Variants in PRR16 observed in about 807,000 individuals in gnomAD.
PRR16 encodes protein Largen.
PRR16 carries 6 observed loss-of-function variants against 18.2 expected under a neutral mutation model. The observed-to-expected ratio is 0.33, with a 90% CI of 0.18 to 0.65. The LOEUF (loss-of-function observed/expected upper bound fraction) is 0.65. Ranked by LOEUF, PRR16 falls within the 30% of genes least tolerant of loss-of-function variation. PRR16 has a pLI of 0.74. For missense variants in PRR16, 412 were observed against 376.6 expected (o/e 1.09, Z -0.78); for synonymous variants, 151 against 147.8 (o/e 1.02, Z -0.16).
chr5:120,561,559 C>T (rs1752576128), intron 1 of PRR16, among the ~76,000 whole-genome samples: 1 of 152,076 alleles, frequency 6.6e-6, no homozygotes, highest in Non-Finnish European at 1.5e-5. Context: ...TGAGAATGAC[C>T]CATATGCTGA....
At chr5:120,735,551 C>T in the PRR16 span, among the ~76,000 whole-genome samples, 1 of 152,042 alleles carries the variant, frequency 6.6e-6, no homozygotes, top group Admixed American at 6.6e-5. Context: ...TTTTGATTTC[C>T]TTTTCTTTAA....
chr5:120,643,679 A>G (rs1755496965), intron 1 of PRR16, among the ~76,000 whole-genome samples: 1 of 152,064 alleles, frequency 6.6e-6, no homozygotes, highest in African/African-American at 2.4e-5. Context: ...GTAAACCTGG[A>G]TGAACTAGAG....
chr5:120,575,320 C>CACACACACACACAG (rs140725678), intron 1 of PRR16, among the ~76,000 whole-genome samples: 1 of 143,034 alleles, frequency 7.0e-6, no homozygotes, highest in Non-Finnish European at 1.6e-5. Flanking sequence ...GACAAGGAAA[C>CACACACACACACAG]ACACACACAC....
At chr5:120,695,998 G>A in the PRR16 span, among the ~76,000 whole-genome samples, 5 of 152,078 alleles carry the variant, frequency 3.3e-5, no homozygotes, top group East Asian at 3.9e-4. Flanking sequence ...ACCCCAGCAC[G>A]TTGGGAGGCC....
chr5:120,786,615 T>C, the PRR16 span, among the ~76,000 whole-genome samples: 1,273 of 149,790 alleles, frequency 8.5e-3, 9 homozygotes, highest in Non-Finnish European at 0.012. Context: ...AATTAAAATA[T>C]ATAAATATAG....
intron 1 of PRR16, among the ~76,000 whole-genome samples, chr5:120,609,608 TTTC>T (rs1017704742): frequency 6.6e-6 from 1 of 152,186 alleles, no homozygotes; most frequent in Non-Finnish European, 1.5e-5. Context: ...ATTGAATTAT[TTTC>T]TTCTTTAGGT....
rs377605265 is a variant in PRR16 at position 120,561,724 on chromosome 5, C to T, written c.159+97079C>T. ...GGGACCCAGTGGGAGATAATTGAAT[C>T]ATGGGGTGGTTTCTCCCATACTATT... On this transcript the variant is annotated intron_variant, in intron 1 of 1. Coordinates refer to ENST00000407149, the MANE Select transcript of PRR16 (RefSeq NM_001300783.2). Among the ~76,000 whole-genome samples the T allele has an allele frequency of 3.3e-5, 5 of 152,242 alleles. No individual in the cohort carries two copies. The East Asian group carries it at 9.7e-4, about 29-fold the overall frequency.
intron 1 of PRR16, among the ~76,000 whole-genome samples, chr5:120,675,785 C>T (rs1209971122): frequency 1.3e-5 from 2 of 152,064 alleles, no homozygotes; most frequent in Non-Finnish European, 2.9e-5. Context: ...TCCAATTGAA[C>T]ACACAGAAAA....
At chr5:120,631,959 C>A (rs1337313245) in intron 1 of PRR16, among the ~76,000 whole-genome samples, 6 of 152,116 alleles carry the variant, frequency 3.9e-5, no homozygotes, top group Admixed American at 3.9e-4. Flanking sequence ...GAAAACACAA[C>A]CAGAGACCCT....
At chr5:120,754,974 G>A in the PRR16 span, among the ~76,000 whole-genome samples, 436 of 145,660 alleles carry the variant, frequency 3.0e-3, 1 homozygote, top group Non-Finnish European at 5.3e-3. Flanking sequence ...AAATGCTTGT[G>A]TTGAAACCTA....
At chr5:120,735,361 C>A in the PRR16 span, among the ~76,000 whole-genome samples, 1 of 152,126 alleles carries the variant, frequency 6.6e-6, no homozygotes, top group Non-Finnish European at 1.5e-5. Flanking sequence ...GCTTTCAATA[C>A]TTTTGGATAT....
In PRR16 at chr5:120,489,094, C is replaced by T. The variant is rs531410014; in HGVS notation, c.159+24449C>T. 2.0e-5 allele frequency among the ~76,000 whole-genome samples: 3 copies of T among 151,980 alleles called. No individual in the cohort carries two copies. The East Asian group carries it at 5.8e-4, about 29-fold the overall frequency. On this transcript the variant is annotated intron_variant, in intron 1 of 1. Transcript: ENST00000407149. ...CAAGTATGTGGTCAATTTTGGAATACGTGTGGTGTGGTGCTGAAAAGAATG... is the reference window on the plus strand; with the variant it reads ...CAAGTATGTGGTCAATTTTGGAATATGTGTGGTGTGGTGCTGAAAAGAATG...
At chr5:120,535,589 C>A (rs146273751) in intron 1 of PRR16, among the ~76,000 whole-genome samples, 1 of 152,164 alleles carries the variant, frequency 6.6e-6, no homozygotes, top group East Asian at 1.9e-4. Flanking sequence ...CGCTTGAGCT[C>A]GAGAGTTCAA....
intron 1 of PRR16, among the ~76,000 whole-genome samples, chr5:120,558,198 C>T (rs1022640399): frequency 2.6e-5 from 4 of 151,804 alleles, no homozygotes; most frequent in Non-Finnish European, 4.4e-5. Context: ...ATTATTTTGA[C>T]TGTTGTCACC....
In PRR16 at chr5:120,508,411, C is replaced by T. The variant is rs142703568; in HGVS notation, c.159+43766C>T. Among the ~76,000 whole-genome samples the T allele has an allele frequency of 9.2e-3, 1,393 of 152,138 alleles. 7 individuals are homozygous for T. The highest frequency in any genetic ancestry group is 0.015 in the Non-Finnish European group (997 of 67,968). On this transcript the variant is annotated intron_variant, in intron 1 of 1. Coordinates refer to ENST00000407149, the MANE Select transcript of PRR16 (RefSeq NM_001300783.2). ...AATTGAACACAATTTTTAACTGTTA[C>T]AATAACTTAAAGGAGAATGTGTGGA...
chr5:120,571,650 G>A (rs1324776588), intron 1 of PRR16, among the ~76,000 whole-genome samples: 1 of 152,140 alleles, frequency 6.6e-6, no homozygotes, highest in East Asian at 1.9e-4. Context: ...AAGGCTTTAA[G>A]TTATCTAAGA....
At chr5:120,776,328 T>C in the PRR16 span, among the ~76,000 whole-genome samples, 7 of 152,274 alleles carry the variant, frequency 4.6e-5, no homozygotes, top group African/African-American at 1.2e-4. Context: ...TTAACATCTT[T>C]TCATCTTTGG....
chr5:120,502,841 C>T (rs546333917), intron 1 of PRR16, among the ~76,000 whole-genome samples: 4 of 152,158 alleles, frequency 2.6e-5, no homozygotes, highest in Admixed American at 1.3e-4. Flanking sequence ...AATGCTGTTG[C>T]GTCCCAAAAA....
chr5:120,765,924 C>T, the PRR16 span, among the ~76,000 whole-genome samples: 19 of 152,024 alleles, frequency 1.2e-4, no homozygotes, highest in East Asian at 3.5e-3. Context: ...CATGTTGTTG[C>T]GTGTGGATTT....
Sources: gnomAD v4.1 joint callset for allele counts (sites outside exome capture counted in the v4.1 genomes callset) on GRCh38, gnomAD v4.1.1 for gene constraint, MANE v1.5 for transcripts, NCBI Gene and HGNC (gene_info 2026-07-23, HGNC 2026-07-21) for gene names.